DAG1: variants seen among roughly 807,000 people sequenced by gnomAD.
DAG1 encodes dystroglycan 1.
In DAG1, 8 loss-of-function variants were observed where a neutral mutation model predicts 46.1. The ratio of observed to expected loss-of-function variants is 0.17; its 90% CI spans 0.10 to 0.31. The LOEUF is 0.31. DAG1 is among the 10% of genes least tolerant of loss of function. DAG1 has a pLI of 1.00. For synonymous variants in DAG1, 495 were observed against 481.8 expected, an observed-to-expected ratio of 1.03 and a Z score of -0.36; for missense variants, 1,003 against 1,189.9, an observed-to-expected ratio of 0.84 and a Z score of 2.31.
chr3:49,487,215 G>A (rs939683422), intron 1 of DAG1: 1 of 152,228 alleles, frequency 6.6e-6, no homozygotes, highest in African/African-American at 2.4e-5. Flanking sequence ...TGAGAATTTT[G>A]TATTTTTTGT....
chr3:49,476,155 G>T (rs1341299531), intron 1 of DAG1, among the ~76,000 whole-genome samples: 8 of 152,154 alleles, frequency 5.3e-5, no homozygotes, highest in African/African-American at 1.9e-4. Flanking sequence ...AAATCTGAAC[G>T]AACTTTAGCA....
rs1476699322 is a variant in DAG1, at chr3:49,535,167, C to T, written c.*1968C>T. ...CTCATGCCTCCAAGTCAGAGTTTCC[C>T]TGGTGCCCCAGAGACAGGAGCACAA... is the stretch of plus-strand genomic sequence containing the variant. On this transcript the variant is annotated 3_prime_UTR_variant, in exon 3 of 3. Coordinates refer to ENST00000308775, the MANE Select transcript of DAG1 (RefSeq NM_004393.6). 6.6e-6 allele frequency: 1 copy of T among 152,282 alleles called. No individual in the cohort carries two copies. Among genetic ancestry groups the T allele is most frequent in the African/African-American group, 2.4e-5 (1 of 41,462 alleles). 9.4% of individuals were successfully genotyped at this position (152,282 alleles called of 1,614,324 possible).
At position 49,533,271 on chromosome 3, in the gene DAG1, G is replaced by C. The variant is rs529704573; in HGVS notation, c.*72G>C. On this transcript the variant is annotated 3_prime_UTR_variant, in exon 3 of 3. Transcript: ENST00000308775. ...CGACATGGTGTTGTCTGTGGAGACCGGTGGCCTGCAGACCATTGCCCACCG... is the reference window on the plus strand; with the variant it reads ...CGACATGGTGTTGTCTGTGGAGACCCGTGGCCTGCAGACCATTGCCCACCG... 1.1e-5 allele frequency: 18 copies of C among 1,588,294 alleles called. No individual in the cohort carries two copies. The highest frequency in any genetic ancestry group is 1.5e-5 in the Non-Finnish European group (18 of 1,174,112).
At position 49,532,079 on chromosome 3, in the gene DAG1, T is replaced by C. The variant is rs762581312; in HGVS notation, c.1568T>C (p.Phe523Ser). Residue 523 changes from phenylalanine to serine, a missense_variant, in exon 3 of 3, where the codon TTC (phenylalanine) becomes TCC (serine). Phe to Ser is a radical substitution (Grantham distance 155, BLOSUM62 -2). Around this residue, in one of 3 missense-constraint regions of DAG1, gnomAD observed 755 missense variants for 854.1 expected, o/e 0.88. Transcript: ENST00000308775. The surrounding 1 kb of genome is among the most constrained non-coding windows in gnomAD (Gnocchi z 5.4). ...GAGGTGAAGATCCCGTCAGACACTT[T>C]CTATGACCATGAGGACACCACCACT... ...YFEVKIPSDT[F>S]YDHEDTTTDK... 2.5e-6 allele frequency: 4 copies of C among 1,614,144 alleles called. No homozygotes were observed. The Admixed American group carries it at 6.7e-5, about 27-fold the overall frequency.
chr3:49,488,044 G>A (rs2050085252), intron 1 of DAG1, among the ~76,000 whole-genome samples: 2 of 152,058 alleles, frequency 1.3e-5, no homozygotes, highest in Admixed American at 6.6e-5. Flanking sequence ...AGGTACTCAA[G>A]TTTTACTAGA....
At chr3:49,504,033 A>G (rs183914948) in intron 1 of DAG1, among the ~76,000 whole-genome samples, 2 of 152,242 alleles carry the variant, frequency 1.3e-5, no homozygotes, top group African/African-American at 4.8e-5. Flanking sequence ...TATATAGTAC[A>G]ATATATATCA....
intron 1 of DAG1, among the ~76,000 whole-genome samples, chr3:49,493,231 A>G (rs1559554873): frequency 6.6e-6 from 1 of 151,658 alleles, no homozygotes; most frequent in Admixed American, 6.6e-5. Flanking sequence ...TTTTGTAGAG[A>G]CAGAGTCTCC....
rs2051433943 is a variant in DAG1 at position 49,533,666 on chromosome 3, C to T, written c.*467C>T. The T allele has an allele frequency of 3.3e-6, 1 of 305,642 alleles. No homozygotes were observed. Among genetic ancestry groups the T allele is most frequent in the Admixed American group, 4.8e-5 (1 of 20,856 alleles). The allele number at this position is 305,642 out of a possible 1,614,324, so 18.9% of individuals were successfully genotyped here. On this transcript the variant is annotated 3_prime_UTR_variant, in exon 3 of 3. Transcript: ENST00000308775. Reference sequence around the variant, plus strand: ...GTAACTAAAGATTAAATTCAAAGGACTTTCAGAAGTTAAGGTTAAGTTTTT... The same window carrying T: ...GTAACTAAAGATTAAATTCAAAGGATTTTCAGAAGTTAAGGTTAAGTTTTT...
chr3:49,510,809 A>G lies in DAG1; in HGVS notation c.275A>G (p.Asp92Gly). Reference sequence around the variant, plus strand: ...ACAGATTTGATTGCCTCCAGTGGAGATATCATCAAGGTGAGACTGGATATA... The same window carrying G: ...ACAGATTTGATTGCCTCCAGTGGAGGTATCATCAAGGTGAGACTGGATATA... ...IPTDLIASSG[D>G]IIKVSAAGKE... is the part of the protein sequence containing the mutation. The change falls in exon 2 of 3, where the codon GAT (aspartate) becomes GGT (glycine). Residue 92 changes from aspartate to glycine, a missense_variant. Physicochemically the swap from Asp to Gly is moderately conservative, Grantham distance 94. Coordinates refer to ENST00000308775, the MANE Select transcript of DAG1 (RefSeq NM_004393.6). 6.2e-7 allele frequency: 1 copy of G among 1,614,208 alleles called. No individual in the cohort carries two copies. The highest frequency in any genetic ancestry group is 2.2e-5 in the East Asian group (1 of 44,890).
chr3:49,503,495 G>C (rs541155320), intron 1 of DAG1, among the ~76,000 whole-genome samples: 47 of 152,240 alleles, frequency 3.1e-4, no homozygotes, highest in African/African-American at 1.1e-3. Context: ...TTCCCAGCCT[G>C]TGGTTAGCCA....
In DAG1 at chr3:49,533,278, T is replaced by A; in HGVS notation, c.*79T>A. On this transcript the variant is annotated 3_prime_UTR_variant, in exon 3 of 3. Transcript: ENST00000308775. ...GTGTTGTCTGTGGAGACCGGTGGCC[T>A]GCAGACCATTGCCCACCGGGAGCCG... 1 of 1,578,192 alleles carries A rather than the reference T, an allele frequency of 6.3e-7. No individual in the cohort carries two copies. Among genetic ancestry groups the A allele is most frequent in the Admixed American group, 1.7e-5 (1 of 57,412 alleles).
At chr3:49,529,823 G>C (rs937463040) in intron 2 of DAG1, among the ~76,000 whole-genome samples, 18 of 152,182 alleles carry the variant, frequency 1.2e-4, no homozygotes, top group African/African-American at 4.3e-4. Context: ...TTTTCCTCTT[G>C]TCAGCTGTTG....
intron 1 of DAG1, chr3:49,470,866 C>G (rs922287167): frequency 2.6e-5 from 4 of 152,350 alleles, no homozygotes; most frequent in Non-Finnish European, 5.9e-5. Flanking sequence ...CGCCACTGCT[C>G]TGTCAGAGCT....
chr3:49,525,188 A>G (rs1315614192), intron 2 of DAG1, among the ~76,000 whole-genome samples: 1 of 152,092 alleles, frequency 6.6e-6, no homozygotes, highest in African/African-American at 2.4e-5. Context: ...AGTAGTACCC[A>G]TGATCCTGGA....
chr3:49,510,549 G>A lies in DAG1; in HGVS notation c.15G>A (p.Val5=), dbSNP rs1405959055. 4 of 1,613,336 alleles carry A rather than the reference G, an allele frequency of 2.5e-6. No homozygotes were observed. Among genetic ancestry groups the A allele is most frequent in the Non-Finnish European group, 3.4e-6 (4 of 1,179,956 alleles). The change falls in exon 2 of 3, where the codon GTG becomes GTA. Residue 5 remains valine, a synonymous_variant. Coordinates refer to ENST00000308775, the MANE Select transcript of DAG1 (RefSeq NM_004393.6). ...TTGGACCTGGGATGAGGATGTCTGTGGGCCTCTCGCTGCTGCTGCCCCTCT... is the reference window on the plus strand; with the variant it reads ...TTGGACCTGGGATGAGGATGTCTGTAGGCCTCTCGCTGCTGCTGCCCCTCT... MRMS[V]GLSLLLPLSG...
chr3:49,478,286 A>AG (rs1678700108), intron 1 of DAG1, among the ~76,000 whole-genome samples: 1 of 150,078 alleles, frequency 6.7e-6, no homozygotes, highest in Admixed American at 6.7e-5. Flanking sequence ...AAAAAAAAAA[A>AG]AAAGAAAAAA....
intron 2 of DAG1, among the ~76,000 whole-genome samples, chr3:49,524,349 T>C (rs533313155): frequency 3.3e-5 from 5 of 152,256 alleles, no homozygotes; most frequent in African/African-American, 1.2e-4. Context: ...TTGTGGAAAT[T>C]AGGTTTGTTT....
At position 49,510,434 on chromosome 3, in the gene DAG1, G is replaced by A; in HGVS notation, c.-101G>A. Reference sequence around the variant, plus strand: ...TTTTTTTCAGGCTCTGTGTGCTCCGGGATGGAGCAGGTGTGCAGAGGGTGA... The same window carrying A: ...TTTTTTTCAGGCTCTGTGTGCTCCGAGATGGAGCAGGTGTGCAGAGGGTGA... On this transcript the variant is annotated 5_prime_UTR_variant, in exon 2 of 3. Coordinates refer to ENST00000308775, the MANE Select transcript of DAG1 (RefSeq NM_004393.6). 1 of 1,140,410 alleles carries A rather than the reference G, an allele frequency of 8.8e-7. No homozygotes were observed. Among genetic ancestry groups the A allele is most frequent in the South Asian group, 1.2e-5 (1 of 81,720 alleles). 70.6% of individuals were successfully genotyped at this position (1,140,410 alleles called of 1,614,324 possible).
intron 1 of DAG1, among the ~76,000 whole-genome samples, chr3:49,474,858 A>C (rs561707388): frequency 2.7e-5 from 4 of 147,402 alleles, no homozygotes; most frequent in East Asian, 2.0e-4. Flanking sequence ...CCCAGGCTGC[A>C]TGGAGTGCAG....
Sources: gnomAD v4.1 joint callset for allele counts (sites outside exome capture counted in the v4.1 genomes callset) on GRCh38, gnomAD v4.1.1 for gene constraint, gnomAD v4.1.1 regional missense constraint, Gnocchi (gnomAD v3.1) non-coding constraint, MANE v1.5 for transcripts, NCBI Gene and HGNC (gene_info 2026-07-23, HGNC 2026-07-21) for gene names.